RTKN: variants seen among roughly 807,000 people sequenced by gnomAD.
The protein encoded by RTKN is rhotekin.
RTKN carries 49 observed loss-of-function variants against 63.5 expected under a neutral mutation model. The ratio of observed to expected loss-of-function variants is 0.77; its 90% CI spans 0.61 to 0.98. The LOEUF is 0.98. Among genes scored for constraint, RTKN ranks in the 50% least tolerant of loss-of-function variants. The pLI, the probability that RTKN is intolerant of heterozygous loss-of-function variation, is 0.00. For synonymous variants in RTKN, 295 were observed against 290.4 expected, an observed-to-expected ratio of 1.02 and a Z score of -0.16; for missense variants, 685 against 740.8, an observed-to-expected ratio of 0.92 and a Z score of 0.87.
chr2:74,439,101 C>T (rs943521047), intron 1 of RTKN, among the ~76,000 whole-genome samples: 18 of 152,106 alleles, frequency 1.2e-4, no homozygotes, highest in Non-Finnish European at 1.8e-4. Flanking sequence ...ATAGTGAGAC[C>T]TCGTCTCTGT....
intron 11 of RTKN, 45 bp from the exon 12 acceptor site, chr2:74,426,619 G>A (rs945712419): frequency 6.6e-7 from 1 of 1,507,426 alleles, no homozygotes; most frequent in African/African-American, 1.4e-5. Flanking sequence ...GCTAGTCAGA[G>A]CTCAGGCCCC....
At chr2:74,435,150 G>C (rs1670985293) in intron 1 of RTKN, among the ~76,000 whole-genome samples, 1 of 152,184 alleles carries the variant, frequency 6.6e-6, no homozygotes, top group Non-Finnish European at 1.5e-5. Context: ...GGTGGTCCAG[G>C]AATGAGGGAC....
At position 74,427,607 on chromosome 2, in the gene RTKN, AGAG is replaced by A. The variant is rs1313632678; in HGVS notation, c.1087-18_1087-16del. The A allele has an allele frequency of 6.2e-7, 1 of 1,610,776 alleles. No homozygotes were observed. Among genetic ancestry groups the A allele is most frequent in the South Asian group, 1.1e-5 (1 of 90,714 alleles). On this transcript the variant is annotated splice_polypyrimidine_tract_variant and intron_variant, in intron 9 of 11. Coordinates refer to ENST00000272430, the MANE Select transcript of RTKN (RefSeq NM_001015055.2). ...ACTCGAGTCTCCTGCAGGAGAAAGA[AGAG>A]GTCTACCTTGGTCACAGAAGTTGGC...
chr2:74,430,093 A>G, intron 5 of RTKN, 56 bp from the exon 6 acceptor site: 1 of 1,595,758 alleles, frequency 6.3e-7, no homozygotes, highest in Non-Finnish European at 8.6e-7. Flanking sequence ...GGCAGAGGGT[A>G]GGGGATGTGG....
At chr2:74,437,883 G>A (rs2103921548) in intron 1 of RTKN, among the ~76,000 whole-genome samples, 1 of 152,262 alleles carries the variant, frequency 6.6e-6, no homozygotes, top group Admixed American at 6.5e-5. Context: ...CCCTCCTGAT[G>A]CCGCTGAAAC....
At chr2:74,439,680 G>A in intron 1 of RTKN, 1 of 1,606,996 alleles carries the variant, frequency 6.2e-7, no homozygotes, top group Non-Finnish European at 8.5e-7. Flanking sequence ...GGACAGATAG[G>A]TACCACACTG....
intron 8 of RTKN, 62 bp from the exon 9 acceptor site, chr2:74,428,458 C>T (rs1308821133): frequency 1.7e-5 from 27 of 1,612,298 alleles, no homozygotes; most frequent in Admixed American, 6.7e-5. Flanking sequence ...TCTTCTCAGC[C>T]CCCCATGAGA....
At chr2:74,431,188 A>C (rs1203399067) in intron 2 of RTKN, among the ~76,000 whole-genome samples, 2 of 152,054 alleles carry the variant, frequency 1.3e-5, no homozygotes, top group African/African-American at 4.8e-5. Context: ...AAAATCACCA[A>C]TAGGGAAGAG....
rs1248892220 is a variant in RTKN, at chr2:74,430,468, C to A, written c.424G>T (p.Gly142Cys). The A allele has an allele frequency of 9.9e-6, 16 of 1,614,098 alleles. No individual in the cohort carries two copies. Among genetic ancestry groups the A allele is most frequent in the Non-Finnish European group, 1.4e-5 (16 of 1,179,960 alleles). ...TCCCAGGGTGTGTGGAACTCACCAC[C>A]TTTGTTCTTGAAATATTCTGTGTCC... is the stretch of plus-strand genomic sequence containing the variant. Reference protein sequence around the residue: ...WKDTEYFKNKGDLHRWAVFLL... With the variant: ...WKDTEYFKNKCDLHRWAVFLL... Residue 142 changes from glycine (G) to cysteine (C), a missense_variant, in exon 4 of 12, where the codon GGT (glycine) becomes TGT (cysteine). By Grantham distance (159) the Gly-to-Cys change is radical. Coordinates refer to ENST00000272430, the MANE Select transcript of RTKN (RefSeq NM_001015055.2).
intron 6 of RTKN, 35 bp downstream of exon 6, chr2:74,429,793 G>C (rs555772087): frequency 6.3e-7 from 1 of 1,587,024 alleles, no homozygotes; most frequent in East Asian, 2.2e-5. Context: ...CAGAATACAG[G>C]CAGCTGAGGG....
intron 1 of RTKN, among the ~76,000 whole-genome samples, chr2:74,437,932 A>T (rs1671144762): frequency 6.6e-6 from 1 of 152,220 alleles, no homozygotes; most frequent in Non-Finnish European, 1.5e-5. Context: ...ACCTGTGTGA[A>T]GGACACAACC....
chr2:74,432,357 A>T, intron 2 of RTKN, 110 bp downstream of exon 2: 1 of 1,059,692 alleles, frequency 9.4e-7, no homozygotes. Context: ...ATAAGACTTC[A>T]TGGGGAAGTC....
chr2:74,435,387 T>G (rs979054053), intron 1 of RTKN, among the ~76,000 whole-genome samples: 1 of 152,230 alleles, frequency 6.6e-6, no homozygotes, highest in African/African-American at 2.4e-5. Flanking sequence ...GTGCCCAGCA[T>G]GTGGTATACA....
At chr2:74,430,398 C>T (rs757590324) in intron 4 of RTKN, 29 bp from the exon 5 acceptor site, 16 of 1,612,982 alleles carry the variant, frequency 9.9e-6, no homozygotes, top group Middle Eastern at 1.6e-4. Context: ...ACAAAAAACA[C>T]GTCCCACGAG....
In RTKN at chr2:74,426,345, AG is replaced by A. The variant is rs34828602; in HGVS notation, c.1589del (p.Pro530LeufsTer125). On this transcript the variant is annotated frameshift_variant, in exon 12 of 12. Transcript: ENST00000272430. LOFTEE classifies it high-confidence loss of function. ...SLDAVPPDHS[P>X]RARSVAPLPP... ...GGAGGGGGGCAACCGAGCGAGCCCT[AG>A]GGGAGTGGTCTGGGGGGACAGCATC... 1 of 1,612,494 alleles carries A rather than the reference AG, an allele frequency of 6.2e-7. No homozygotes were observed. Among genetic ancestry groups the A allele is most frequent in the East Asian group, 2.2e-5 (1 of 44,878 alleles).
Position 74,428,282 on chromosome 2 carries a change from T to A in RTKN, c.1072A>T (p.Ile358Phe), listed in dbSNP as rs1299661644. The part of the protein sequence containing the change: ...ADTGEEPLLT[I>F]AVNKETRVRA... The stretch of plus-strand genomic sequence containing the variant: ...GGACCCATCACCTTGTTGACAGCAA[T>A]AGTAAGCAGCGGCTCTTCCCCAGTG... Residue 358 changes from isoleucine to phenylalanine, a missense_variant, in exon 9 of 12, where the codon ATT becomes TTT. Coordinates refer to ENST00000272430, the MANE Select transcript of RTKN (RefSeq NM_001015055.2). The A allele has an allele frequency of 2.5e-6, 4 of 1,613,994 alleles. No homozygotes were observed. The highest frequency in any genetic ancestry group is 3.4e-6 in the Non-Finnish European group (4 of 1,180,030).
At chr2:74,432,347 A>AT in intron 2 of RTKN, 120 bp downstream of exon 2, 1 of 995,126 alleles carries the variant, frequency 1.0e-6, no homozygotes. Context: ...CAGGTCCCTG[A>AT]TAAGACTTCA....
rs114848327 is a variant in RTKN at position 74,432,890 on chromosome 2, T to C, written c.112-224A>G. Among the ~76,000 whole-genome samples the C allele has an allele frequency of 4.8e-3, 736 of 152,088 alleles. 7 individuals carry two copies. The highest frequency in any genetic ancestry group is 0.017 in the African/African-American group (695 of 41,470). The stretch of plus-strand genomic sequence containing the variant: ...TGTGAGGGAGGCTGAGGTGGGAGGA[T>C]CCCTTGAGCCTAGGAGATCAAGGCC... On this transcript the variant is annotated intron_variant, in intron 1 of 11. Transcript: ENST00000272430.
At chr2:74,435,466 T>C (rs1249113203) in intron 1 of RTKN, among the ~76,000 whole-genome samples, 2 of 152,226 alleles carry the variant, frequency 1.3e-5, no homozygotes, top group Non-Finnish European at 2.9e-5. Flanking sequence ...CAGTCAACAC[T>C]GGAGCATCCC....
Sources: allele counts gnomAD v4.1 joint callset (sites outside exome capture counted in the v4.1 genomes callset), GRCh38; gene constraint gnomAD v4.1.1; transcripts MANE v1.5; gene names NCBI Gene and HGNC (gene_info 2026-07-23, HGNC 2026-07-21).